MID1: variants seen among roughly 807,000 people sequenced by gnomAD.
MID1 encodes the protein midline 1, also known as E3 ubiquitin-protein ligase Midline-1.
In MID1, 7 loss-of-function variants were observed where a neutral mutation model predicts 40.4. That is an observed-to-expected ratio of 0.17 (90% CI 0.10 to 0.33). The LOEUF (loss-of-function observed/expected upper bound fraction) is 0.33. Ranked by LOEUF, MID1 falls within the 10% of genes least tolerant of loss-of-function variation. The pLI is 1.00. For synonymous variants in MID1, 229 were observed against 221.2 expected (o/e 1.04, Z -0.31); for missense variants, 367 against 558.5 (o/e 0.66, Z 3.46).
rs191581977 is a variant in MID1, at chrX:10,681,588, C to T, written c.-186-61169G>A. Among the ~76,000 whole-genome samples, 238 of 111,774 alleles carry T rather than the reference C, an allele frequency of 2.1e-3. 1 individual carries two copies. The highest frequency in any genetic ancestry group is 7.4e-3 in the African/African-American group (227 of 30,751). Reference sequence around the variant, plus strand: ...AGAGGAGGCTAGGCAGAAGTCATATCACCTTTTACAATCTCTCTTGGAAAT... The same window carrying T: ...AGAGGAGGCTAGGCAGAAGTCATATTACCTTTTACAATCTCTCTTGGAAAT... On this transcript the variant is annotated intron_variant, in intron 1 of 10. Coordinates refer to the MID1 transcript ENST00000380785.
At chrX:10,716,831 C>T (rs1408880779) in intron 1 of MID1, among the ~76,000 whole-genome samples, 1 of 112,205 alleles carries the variant, frequency 8.9e-6, no homozygotes, top group African/African-American at 3.2e-5. Flanking sequence ...GCCCATCAAA[C>T]TAACAGCTGA....
intron 3 of MID1, among the ~76,000 whole-genome samples, chrX:10,512,729 T>A (rs1932220819): frequency 1.8e-5 from 2 of 112,379 alleles, no homozygotes; most frequent in South Asian, 7.4e-4. Context: ...ACTTATGACA[T>A]CTCAATACCA....
At chrX:10,462,972 C>A (rs1319404707) in intron 7 of MID1, among the ~76,000 whole-genome samples, 2 of 110,913 alleles carry the variant, frequency 1.8e-5, no homozygotes, top group Non-Finnish European at 3.8e-5. Context: ...AAACAGATAA[C>A]TACTTAGCCA....
At chrX:10,771,482 T>C (rs187089483) in intron 1 of MID1, among the ~76,000 whole-genome samples, 109 of 109,989 alleles carry the variant, frequency 9.9e-4, no homozygotes, top group African/African-American at 3.4e-3. Context: ...CTTTCTATTT[T>C]TTCACATTTA....
At chrX:10,644,425 C>T (rs1936239944) in intron 1 of MID1, among the ~76,000 whole-genome samples, 1 of 110,471 alleles carries the variant, frequency 9.1e-6, no homozygotes, top group Non-Finnish European at 1.9e-5. Flanking sequence ...ATCTTCGGCC[C>T]CTCCAAACCC....
At chrX:10,498,198 G>C (rs968178643) in intron 3 of MID1, among the ~76,000 whole-genome samples, 6 of 112,105 alleles carry the variant, frequency 5.4e-5, no homozygotes, top group African/African-American at 1.6e-4. Context: ...CGACCTCTCA[G>C]GCTCAAGCAA....
intron 1 of MID1, among the ~76,000 whole-genome samples, chrX:10,667,685 G>T (rs1360511213): frequency 3.6e-5 from 4 of 111,258 alleles, no homozygotes; most frequent in Non-Finnish European, 5.7e-5. Flanking sequence ...GACCAGAATC[G>T]CAATGATTAA....
rs60329740 is a variant in MID1 at position 10,662,580 on chromosome X, C to G, written c.-186-42161G>C. On this transcript the variant is annotated intron_variant, in intron 1 of 10. Transcript: ENST00000380785. The stretch of plus-strand genomic sequence containing the variant: ...TGTACTCATACAATGTTAGGATCGG[C>G]AGGACCATAGGAATCTCCTAATTCA... Among the ~76,000 whole-genome samples, 669 of 111,402 alleles carry G rather than the reference C, an allele frequency of 6.0e-3. 3 individuals are homozygous for G. Among genetic ancestry groups the G allele is most frequent in the African/African-American group, 0.021 (638 of 30,649 alleles).
intron 1 of MID1, among the ~76,000 whole-genome samples, chrX:10,652,726 C>T (rs753721387): frequency 9.0e-6 from 1 of 111,590 alleles, no homozygotes; most frequent in African/African-American, 3.3e-5. Context: ...TCTGAGGCCC[C>T]GTCAGTTCTT....
intron 1 of MID1, among the ~76,000 whole-genome samples, chrX:10,807,625 C>A (rs2044057359): frequency 8.9e-6 from 1 of 112,019 alleles, no homozygotes; most frequent in Non-Finnish European, 1.9e-5. Flanking sequence ...CACATGACCT[C>A]TTCCATTTTC....
At chrX:10,577,001 G>A (rs1361848257) in intron 1 of MID1, 1 of 111,155 alleles carries the variant, frequency 9.0e-6, no homozygotes, top group Non-Finnish European at 1.9e-5. Flanking sequence ...CTCCGCCAGG[G>A]TTGCCCGAGT....
intron 1 of MID1, among the ~76,000 whole-genome samples, chrX:10,640,355 G>C (rs1272102562): frequency 1.8e-5 from 2 of 110,577 alleles, no homozygotes; most frequent in Non-Finnish European, 3.8e-5. Context: ...AAAAAGCAGG[G>C]GTTGCAATCC....
intron 1 of MID1, among the ~76,000 whole-genome samples, chrX:10,706,798 T>C (rs991656420): frequency 1.8e-5 from 2 of 111,983 alleles, no homozygotes; most frequent in African/African-American, 6.5e-5. Flanking sequence ...CATTATTTTA[T>C]TGAAAACGTT....
At chrX:10,637,067 G>C (rs181832260) in intron 1 of MID1, among the ~76,000 whole-genome samples, 90 of 106,821 alleles carry the variant, frequency 8.4e-4, no homozygotes, top group African/African-American at 2.8e-3. Flanking sequence ...GTTTCCAAGG[G>C]GCCCTTTTCA....
chrX:10,597,561 C>T lies in MID1; in HGVS notation c.-57+22729G>A, dbSNP rs776207571. On this transcript the variant is annotated intron_variant, in intron 1 of 9. Transcript: ENST00000317552. Reference sequence around the variant, plus strand: ...ACAAACAAACAAACAAACAAAAAACCTTACTCTTTTTATGCACAAAGCACA... The same window carrying T: ...ACAAACAAACAAACAAACAAAAAACTTTACTCTTTTTATGCACAAAGCACA... 5.4e-5 allele frequency among the ~76,000 whole-genome samples: 6 copies of T among 111,974 alleles called. No individual in the cohort carries two copies. The East Asian group carries it at 1.4e-3, about 26-fold the overall frequency.
intron 7 of MID1, among the ~76,000 whole-genome samples, chrX:10,465,570 G>T (rs1055146389): frequency 2.7e-5 from 3 of 111,248 alleles, no homozygotes; most frequent in African/African-American, 9.8e-5. Context: ...TAATCAAATG[G>T]CAGATTATTC....
intron 1 of MID1, among the ~76,000 whole-genome samples, chrX:10,748,423 C>G (rs1320708661): frequency 8.9e-6 from 1 of 112,098 alleles, no homozygotes; most frequent in Non-Finnish European, 1.9e-5. Context: ...ATATACAATT[C>G]CAACCAACTC....
chrX:10,672,543 C>T (rs1415699105), intron 1 of MID1, among the ~76,000 whole-genome samples: 3 of 110,806 alleles, frequency 2.7e-5, no homozygotes, highest in African/African-American at 6.6e-5. Context: ...AAACATGCAG[C>T]GCCATGAGCC....
intron 1 of MID1, among the ~76,000 whole-genome samples, chrX:10,669,111 C>T (rs371228953): frequency 0.018 from 1,926 of 104,581 alleles, 27 homozygotes; most frequent in African/African-American, 0.036. Context: ...CCCAGCTACT[C>T]GGGAGGCTGA....
Sources: allele counts gnomAD v4.1 joint callset (sites outside exome capture counted in the v4.1 genomes callset), GRCh38; gene constraint gnomAD v4.1.1; transcripts MANE v1.5; gene names NCBI Gene and HGNC (gene_info 2026-07-23, HGNC 2026-07-21).